The following PRKCH variants were observed in gnomAD, a reference collection of about 807,000 sequenced individuals.
The protein encoded by PRKCH is protein kinase C eta.
A neutral mutation model predicts 82.5 loss-of-function variants in PRKCH; 28 were observed. The observed-to-expected ratio is 0.34, with a 90% CI of 0.25 to 0.47. The LOEUF (loss-of-function observed/expected upper bound fraction) is 0.47, where lower values mean the gene tolerates loss of function less well. Among genes scored for constraint, PRKCH ranks in the 20% least tolerant of loss-of-function variants. The probability of loss-of-function intolerance (pLI) is 1.00; values close to 1 mark genes in which losing one functional copy is unlikely to be tolerated. For synonymous variants in PRKCH, 322 were observed against 327.4 expected (o/e 0.98, Z 0.18); for missense variants, 705 against 881.8 (o/e 0.80, Z 2.54).
chr14:61,372,210 T>C (rs1373850415), intron 1 of PRKCH, among the ~76,000 whole-genome samples: 3 of 152,070 alleles, frequency 2.0e-5, no homozygotes, highest in African/African-American at 4.8e-5. Flanking sequence ...TTCCTTTTGT[T>C]GGAGAATGGT....
At chr14:61,218,273 C>G (rs1378853009) in intron 1 of PRKCH, among the ~76,000 whole-genome samples, 2 of 152,204 alleles carry the variant, frequency 1.3e-5, no homozygotes, top group East Asian at 3.8e-4. Flanking sequence ...CTCTCTCCCT[C>G]TCTCTGTCTC....
chr14:61,396,534 C>G (rs974660668), intron 2 of PRKCH, among the ~76,000 whole-genome samples: 1 of 152,118 alleles, frequency 6.6e-6, no homozygotes, highest in Non-Finnish European at 1.5e-5. Context: ...ATTATGTATG[C>G]AATGCAGGGA....
chr14:61,345,932 G>A (rs1254584948), intron 1 of PRKCH, among the ~76,000 whole-genome samples: 2 of 151,912 alleles, frequency 1.3e-5, no homozygotes, highest in East Asian at 1.9e-4. Context: ...GAACCACTAA[G>A]CTGCATTACA....
intron 1 of PRKCH, among the ~76,000 whole-genome samples, chr14:61,368,368 C>T (rs1306525566): frequency 6.6e-6 from 1 of 151,940 alleles, no homozygotes; most frequent in African/African-American, 2.4e-5. Flanking sequence ...TGCCTTTGAG[C>T]CTTGTGTGTT....
upstream of PRKCH, among the ~76,000 whole-genome samples, chr14:61,317,957 C>T (rs2045577317): frequency 6.6e-6 from 1 of 152,160 alleles, no homozygotes; most frequent in African/African-American, 2.4e-5. Flanking sequence ...CAATTCCCCA[C>T]TTCAGATTTC....
intron 1 of PRKCH, among the ~76,000 whole-genome samples, chr14:61,389,716 G>GA (rs1479196963): frequency 3.7e-4 from 56 of 151,036 alleles, no homozygotes; most frequent in African/African-American, 1.2e-3. Flanking sequence ...AAAAAAAAGA[G>GA]AAAAAATGCT....
chr14:61,389,908 G>A (rs2046649741), intron 1 of PRKCH, among the ~76,000 whole-genome samples: 1 of 151,942 alleles, frequency 6.6e-6, no homozygotes, highest in African/African-American at 2.4e-5. Context: ...TTTAATATTT[G>A]ACCAAAAATG....
At chr14:61,397,537 C>CATT (rs1205317997) in intron 2 of PRKCH, among the ~76,000 whole-genome samples, 1 of 152,214 alleles carries the variant, frequency 6.6e-6, no homozygotes, top group African/African-American at 2.4e-5. Context: ...GGAGCATCAA[C>CATT]ATTTAAGTAC....
Position 61,280,379 on chromosome 14 carries a change from C to T in PRKCH, c.-19+92711C>T. ...AGTTTGCGGAACGTGGGCAGCGCCGCCGTGCGCATCCACACCACGAAGTCC... is the reference window on the plus strand; with the variant it reads ...AGTTTGCGGAACGTGGGCAGCGCCGTCGTGCGCATCCACACCACGAAGTCC... On this transcript the variant is annotated intron_variant, in intron 1 of 3. Transcript: ENST00000555185. The surrounding 1 kb of genome is among the most constrained non-coding windows in gnomAD (Gnocchi z 5.0). 6.2e-7 allele frequency: 1 copy of T among 1,614,014 alleles called. No individual in the cohort carries two copies. The highest frequency in any genetic ancestry group is 8.5e-7 in the Non-Finnish European group (1 of 1,179,902).
chr14:61,284,514 C>T (rs1594891222), intron 1 of PRKCH, among the ~76,000 whole-genome samples: 1 of 152,226 alleles, frequency 6.6e-6, no homozygotes, highest in East Asian at 1.9e-4. Flanking sequence ...GAAGCTGTAC[C>T]AAGGTCCATG....
chr14:61,290,798 G>T (rs1042302363), intron 1 of PRKCH, among the ~76,000 whole-genome samples: 5 of 152,042 alleles, frequency 3.3e-5, no homozygotes, highest in Non-Finnish European at 7.4e-5. Context: ...CAGTTAATAG[G>T]GTTGCTTAAA....
chr14:61,511,123 G>C (rs1238318532), intron 10 of PRKCH, among the ~76,000 whole-genome samples: 1 of 152,182 alleles, frequency 6.6e-6, no homozygotes, highest in African/African-American at 2.4e-5. Flanking sequence ...TTGGTTTAAT[G>C]ACTCAAGTAG....
At chr14:61,439,284 T>C (rs17098368) in intron 2 of PRKCH, among the ~76,000 whole-genome samples, 5,737 of 152,212 alleles carry the variant, frequency 0.038, 406 homozygotes, top group African/African-American at 0.13. Context: ...TTGGAGTCTG[T>C]AGGCAAGTGA....
At chr14:61,279,900 T>A (rs1022730577) in intron 1 of PRKCH, 34 of 596,652 alleles carry the variant, frequency 5.7e-5, no homozygotes, top group Middle Eastern at 4.5e-4. Context: ...GCAGTCAACA[T>A]CCCTCCCCGC....
intron 2 of PRKCH, among the ~76,000 whole-genome samples, chr14:61,430,686 G>A (rs185144813): frequency 2.6e-5 from 4 of 152,124 alleles, no homozygotes; most frequent in Admixed American, 2.6e-4. Flanking sequence ...CATACTAGTT[G>A]GTCACAGCTT....
intron 1 of PRKCH, among the ~76,000 whole-genome samples, chr14:61,301,841 A>G (rs761008036): frequency 2.6e-5 from 4 of 152,222 alleles, no homozygotes; most frequent in Non-Finnish European, 5.9e-5. Context: ...ATCCTGTCTG[A>G]AAAAGAAGTA....
intron 1 of PRKCH, among the ~76,000 whole-genome samples, chr14:61,341,997 A>G (rs1486566533): frequency 6.6e-6 from 1 of 152,064 alleles, no homozygotes; most frequent in Admixed American, 6.5e-5. Context: ...GGCATGAGAA[A>G]GGGTTCTCCT....
intron 1 of PRKCH, among the ~76,000 whole-genome samples, chr14:61,360,917 C>T (rs116421784): frequency 0.016 from 2,453 of 152,296 alleles, 65 homozygotes; most frequent in African/African-American, 0.055. Context: ...TCGTTCAGGT[C>T]AGGGGTGATG....
intron 1 of PRKCH, among the ~76,000 whole-genome samples, chr14:61,210,813 TGC>T (rs59643677): frequency 6.6e-6 from 1 of 151,126 alleles, no homozygotes; most frequent in African/African-American, 2.4e-5. Context: ...TGTGTGTGTG[TGC>T]GTGCACGCGT....
Sources: gnomAD v4.1 joint callset for allele counts (sites outside exome capture counted in the v4.1 genomes callset) on GRCh38, gnomAD v4.1.1 for gene constraint, Gnocchi (gnomAD v3.1) non-coding constraint, MANE v1.5 for transcripts, NCBI Gene and HGNC (gene_info 2026-07-23, HGNC 2026-07-21) for gene names.